Variants in OPHN1 observed in about 807,000 individuals in gnomAD.
OPHN1 encodes oligophrenin 1.
In OPHN1, 11 loss-of-function variants were observed where a neutral mutation model predicts 60.7. The observed-to-expected ratio is 0.18, with a 90% confidence interval of 0.11 to 0.30. The LOEUF (loss-of-function observed/expected upper bound fraction) is 0.30. Ranked by LOEUF, OPHN1 falls within the 10% of genes least tolerant of loss-of-function variation. The pLI, the probability that OPHN1 is intolerant of heterozygous loss-of-function variation, is 1.00. For missense variants in OPHN1, 449 were observed against 611.0 expected (o/e 0.73, Z 2.80); for synonymous variants, 226 against 222.6 (o/e 1.02, Z -0.14).
At chrX:68,390,238 C>A (rs766345277) in intron 2 of OPHN1, among the ~76,000 whole-genome samples, 1 of 111,287 alleles carries the variant, frequency 9.0e-6, no homozygotes, top group Non-Finnish European at 1.9e-5. Flanking sequence ...TATATCAGTA[C>A]GTAAAGCACT....
chrX:68,084,475 C>G (rs777193331), intron 19 of OPHN1, among the ~76,000 whole-genome samples: 1 of 108,772 alleles, frequency 9.2e-6, no homozygotes, highest in Admixed American at 9.7e-5. Flanking sequence ...ATTTTCAGAC[C>G]GGAGCAATAG....
intron 2 of OPHN1, among the ~76,000 whole-genome samples, chrX:68,360,657 C>G (rs1051426363): frequency 9.0e-6 from 1 of 110,795 alleles, no homozygotes; most frequent in Admixed American, 9.7e-5. Flanking sequence ...CAGGCACATG[C>G]CGGTAGTCCC....
chrX:68,181,221 CATT>C (rs2147437113), intron 15 of OPHN1, among the ~76,000 whole-genome samples: 1 of 111,002 alleles, frequency 9.0e-6, no homozygotes, highest in Non-Finnish European at 1.9e-5. Context: ...CTGTTCGAAT[CATT>C]ATTTGACAAG....
intron 5 of OPHN1, among the ~76,000 whole-genome samples, chrX:68,259,677 A>C (rs774805683): frequency 8.9e-6 from 1 of 111,736 alleles, no homozygotes; most frequent in Admixed American, 9.5e-5. Flanking sequence ...ATAGATAATG[A>C]AACTAAGGCA....
At chrX:68,369,197 G>GC (rs2078514644) in intron 2 of OPHN1, among the ~76,000 whole-genome samples, 2 of 108,908 alleles carry the variant, frequency 1.8e-5, no homozygotes, top group African/African-American at 6.7e-5. Flanking sequence ...AACAGAGTGA[G>GC]ACTCCTCGAA....
intron 18 of OPHN1, among the ~76,000 whole-genome samples, chrX:68,102,639 AAAG>A (rs965071429): frequency 1.8e-5 from 2 of 111,824 alleles, no homozygotes; most frequent in Admixed American, 1.9e-4. Context: ...CCAGACTAAT[AAAG>A]AAGAAAAGAG....
chrX:68,358,056 C>T (rs1053097412), intron 2 of OPHN1, among the ~76,000 whole-genome samples: 2 of 107,199 alleles, frequency 1.9e-5, no homozygotes, highest in African/African-American at 6.8e-5. Context: ...TTTAGGAGGC[C>T]GAGAGGGACA....
At chrX:68,164,327 G>C (rs1368603020) in intron 15 of OPHN1, among the ~76,000 whole-genome samples, 1 of 111,927 alleles carries the variant, frequency 8.9e-6, no homozygotes, top group Non-Finnish European at 1.9e-5. Context: ...CTTACAAAAT[G>C]TATTTCTTAA....
At chrX:68,086,529 A>C (rs1168197728) in intron 19 of OPHN1, among the ~76,000 whole-genome samples, 1 of 112,344 alleles carries the variant, frequency 8.9e-6, no homozygotes, top group Non-Finnish European at 1.9e-5. Context: ...AGTGTTTACA[A>C]GTTCCTTTCT....
At chrX:68,064,725 A>G (rs941160047) in intron 20 of OPHN1, among the ~76,000 whole-genome samples, 3 of 111,918 alleles carry the variant, frequency 2.7e-5, no homozygotes, top group African/African-American at 9.8e-5. Flanking sequence ...ACTTACTTAA[A>G]GCTTTTGAGA....
chrX:68,298,822 G>A (rs925794169), intron 3 of OPHN1, among the ~76,000 whole-genome samples, 179 bp downstream of exon 3: 10 of 112,071 alleles, frequency 8.9e-5, no homozygotes. Flanking sequence ...TGTCGTGTGA[G>A]GAGGAAATGG....
intron 9 of OPHN1, among the ~76,000 whole-genome samples, chrX:68,208,413 A>T (rs967604099): frequency 9.0e-6 from 1 of 111,576 alleles, no homozygotes; most frequent in African/African-American, 3.3e-5. Flanking sequence ...TTTACCTATC[A>T]AACTCCCACT....
intron 15 of OPHN1, among the ~76,000 whole-genome samples, chrX:68,167,513 A>G (rs1022672664): frequency 9.1e-6 from 1 of 110,131 alleles, no homozygotes; most frequent in African/African-American, 3.3e-5. Context: ...ATGTGTGTAT[A>G]TATGTGTGTG....
intron 21 of OPHN1, among the ~76,000 whole-genome samples, chrX:68,057,443 C>A (rs2076877620): frequency 9.0e-6 from 1 of 111,026 alleles, no homozygotes; most frequent in Admixed American, 9.6e-5. Flanking sequence ...GAGGGGAAGG[C>A]AGTAATTGTA....
At chrX:68,126,177 A>G (rs2077171053) in intron 15 of OPHN1, among the ~76,000 whole-genome samples, 1 of 108,886 alleles carries the variant, frequency 9.2e-6, no homozygotes, top group African/African-American at 3.3e-5. Flanking sequence ...AGCATTTGAC[A>G]AAATTCAATA....
Position 68,147,221 on chromosome X carries a change from T to A in OPHN1, c.1277-27889A>T, listed in dbSNP as rs183348682. 1.6e-3 allele frequency among the ~76,000 whole-genome samples: 174 copies of A among 111,561 alleles called. 3 individuals carry two copies. Among genetic ancestry groups the A allele is most frequent in the South Asian group, 1.9e-3 (5 of 2,630 alleles). On this transcript the variant is annotated intron_variant, in intron 15 of 24. Coordinates refer to ENST00000355520, the MANE Select transcript of OPHN1 (RefSeq NM_002547.3). Reference sequence around the variant, plus strand: ...CTAACAGTAGGAATTAGAAAGGATGTCATTCAAGGAGATCCCCAAGTTGGC... The same window carrying A: ...CTAACAGTAGGAATTAGAAAGGATGACATTCAAGGAGATCCCCAAGTTGGC...
chrX:68,422,289 G>T (rs776116126), intron 2 of OPHN1, among the ~76,000 whole-genome samples: 79 of 110,245 alleles, frequency 7.2e-4, no homozygotes, highest in Non-Finnish European at 9.1e-4. Flanking sequence ...GGGAGGCTGA[G>T]GTGGAGGATC....
chrX:68,397,949 G>A (rs1190525209), intron 2 of OPHN1, among the ~76,000 whole-genome samples: 3 of 110,377 alleles, frequency 2.7e-5, no homozygotes, highest in African/African-American at 6.6e-5. Flanking sequence ...TCCTCCCATC[G>A]TCCCTTAACA....
rs934933541 is a variant in OPHN1, at chrX:68,313,126, G to A, written c.155-14030C>T. Among the ~76,000 whole-genome samples, 12 of 110,910 alleles carry A rather than the reference G, an allele frequency of 1.1e-4. No homozygotes were observed. In the South Asian group the frequency reaches 1.2e-3, roughly 11 times the overall value. On this transcript the variant is annotated intron_variant, in intron 2 of 24. Coordinates refer to ENST00000355520, the MANE Select transcript of OPHN1 (RefSeq NM_002547.3). ...CTCAAATAAATAAATAAATAAATAA[G>A]AAAGAAAGGAAAGGAAGGCTTTTAT...
Sources: allele counts gnomAD v4.1 joint callset (sites outside exome capture counted in the v4.1 genomes callset), GRCh38; gene constraint gnomAD v4.1.1; transcripts MANE v1.5; gene names NCBI Gene and HGNC (gene_info 2026-07-23, HGNC 2026-07-21).